Variants in DNMT3B observed in about 807,000 individuals in gnomAD.
DNMT3B encodes DNA methyltransferase 3 beta.
In DNMT3B, 37 loss-of-function variants were observed where a neutral mutation model predicts 120.2. That is an observed-to-expected ratio of 0.31 (90% confidence interval 0.24 to 0.40). DNMT3B has a LOEUF of 0.40. DNMT3B is among the 10% of genes least tolerant of loss of function. The pLI, the probability that DNMT3B is intolerant of heterozygous loss-of-function variation, is 1.00. For synonymous variants in DNMT3B, 412 were observed against 442.8 expected, an observed-to-expected ratio of 0.93 and a Z score of 0.87; for missense variants, 878 against 1,137.3, an observed-to-expected ratio of 0.77 and a Z score of 3.28.
At chr20:32,773,934 GTT>G (rs1161730284) in intron 1 of DNMT3B, among the ~76,000 whole-genome samples, 9 of 69,130 alleles carry the variant, frequency 1.3e-4, no homozygotes, top group African/African-American at 2.7e-4. Context: ...CCCGGCAGTG[GTT>G]TTTTTTTTTT....
Position 32,806,385 on chromosome 20 carries a change from A to T in DNMT3B, c.2420+58A>T, listed in dbSNP as rs1316487279. 5.3e-6 allele frequency: 8 copies of T among 1,517,010 alleles called. No homozygotes were observed. The African/African-American group carries it at 1.1e-4, about 21-fold the overall frequency. The allele number at this position is 1,517,010 out of a possible 1,614,324, so 94.0% of individuals were successfully genotyped here. On this transcript the variant is annotated intron_variant, in intron 22 of 22. Transcript: ENST00000328111. Reference sequence around the variant, plus strand: ...TGTAGATCAAAACACAAATGGGCAGACATGGGCAGGTGCTTACCTTCATTC... The same window carrying T: ...TGTAGATCAAAACACAAATGGGCAGTCATGGGCAGGTGCTTACCTTCATTC...
intron 1 of DNMT3B, 40 bp from the exon 2 acceptor site, chr20:32,780,278 T>C (rs1047298429): frequency 2.5e-6 from 4 of 1,613,582 alleles, no homozygotes; most frequent in Non-Finnish European, 3.4e-6. Flanking sequence ...CTCATGTCCC[T>C]GCTTCCCTTT....
At chr20:32,779,911 C>T in intron 1 of DNMT3B, 1 of 644,796 alleles carries the variant, frequency 1.6e-6, no homozygotes, top group Non-Finnish European at 2.7e-6. Flanking sequence ...TTCCTGAGCC[C>T]CTGCAGAGGC....
intron 6 of DNMT3B, among the ~76,000 whole-genome samples, chr20:32,788,046 T>C (rs1979538310): frequency 1.3e-5 from 2 of 152,174 alleles, no homozygotes; most frequent in South Asian, 2.1e-4. Flanking sequence ...TTTATACTTC[T>C]TTTATGGTGG....
chr20:32,805,497 ACTC>A, intron 21 of DNMT3B, 90 bp downstream of exon 21: 1 of 1,489,220 alleles, frequency 6.7e-7, no homozygotes, highest in Non-Finnish European at 9.3e-7. Flanking sequence ...ATTGGTTCCT[ACTC>A]CTCCCCCCAC....
intron 14 of DNMT3B, among the ~76,000 whole-genome samples, chr20:32,797,551 T>A (rs145259792): frequency 8.5e-5 from 13 of 152,274 alleles, no homozygotes; most frequent in African/African-American, 3.1e-4. Context: ...GGGTGTACAG[T>A]GACATGATCA....
At chr20:32,801,519 A>G in intron 19 of DNMT3B, 93 bp downstream of exon 19, 2 of 1,547,368 alleles carry the variant, frequency 1.3e-6, no homozygotes, top group Non-Finnish European at 1.8e-6. Context: ...CAACATTGGG[A>G]ATGACTTTCC....
At chr20:32,784,947 A>C in intron 4 of DNMT3B, 88 bp downstream of exon 4, 2 of 1,279,890 alleles carry the variant, frequency 1.6e-6, no homozygotes, top group East Asian at 2.4e-5. Flanking sequence ...ATAGCTCCTT[A>C]GGGGAGCTTT....
intron 1 of DNMT3B, among the ~76,000 whole-genome samples, chr20:32,770,797 A>T (rs944035153): frequency 6.6e-6 from 1 of 151,456 alleles, no homozygotes; most frequent in Non-Finnish European, 1.5e-5. Context: ...TTTTTAGTGG[A>T]AACGGGGTTT....
intron 14 of DNMT3B, among the ~76,000 whole-genome samples, chr20:32,798,053 T>C (rs1370679801): frequency 1.3e-5 from 2 of 151,780 alleles, no homozygotes; most frequent in East Asian, 2.0e-4. Flanking sequence ...GCCATTCTCC[T>C]ACCTCAGCCT....
At chr20:32,802,766 G>A (rs553044650) in intron 20 of DNMT3B, among the ~76,000 whole-genome samples, 8 of 152,316 alleles carry the variant, frequency 5.3e-5, no homozygotes, top group Non-Finnish European at 7.3e-5. Flanking sequence ...TTGGGAGGCC[G>A]AGGCTGGAGG....
intron 2 of DNMT3B, among the ~76,000 whole-genome samples, chr20:32,780,920 G>T (rs375354476): frequency 6.6e-6 from 1 of 152,208 alleles, no homozygotes; most frequent in Non-Finnish European, 1.5e-5. Flanking sequence ...TGTCCTCTCA[G>T]CTGTGCCATC....
intron 1 of DNMT3B, 156 bp from the exon 2 acceptor site, chr20:32,780,162 G>C (rs573451454): frequency 1.5e-5 from 25 of 1,613,508 alleles, no homozygotes; most frequent in Non-Finnish European, 1.8e-5. Flanking sequence ...GGGAGGCTAT[G>C]GGGGGCAGCC....
In DNMT3B at chr20:32,805,351, T is replaced by C; in HGVS notation, c.2245T>C (p.Ser749Pro). ...LPGMNRPVIA[S>P]KNDKLELQDC... ...GGCTGTTCCCAGGCCCGTGATAGCA[T>C]CAAAGAATGATAAACTCGAGCTGCA... Residue 749 changes from serine to proline, a missense_variant, in exon 21 of 23, where the codon TCA (serine) becomes CCA (proline). By Grantham distance (74) the Ser-to-Pro change is moderately conservative. Around this residue, in one of 4 missense-constraint regions of DNMT3B, gnomAD observed 334 missense variants for 518.8 expected, o/e 0.64. Coordinates refer to ENST00000328111, the MANE Select transcript of DNMT3B (RefSeq NM_006892.4). 1 of 1,614,106 alleles carries C rather than the reference T, an allele frequency of 6.2e-7. No individual in the cohort carries two copies. Among genetic ancestry groups the C allele is most frequent in the Non-Finnish European group, 8.5e-7 (1 of 1,180,010 alleles).
intron 3 of DNMT3B, among the ~76,000 whole-genome samples, chr20:32,783,774 GGA>G (rs1978908818): frequency 6.6e-6 from 1 of 152,076 alleles, no homozygotes; most frequent in Non-Finnish European, 1.5e-5. Flanking sequence ...CGCCCAGGCT[GGA>G]GTGCAATGGC....
intron 1 of DNMT3B, among the ~76,000 whole-genome samples, chr20:32,767,634 A>G (rs533368121): frequency 1.3e-5 from 2 of 152,040 alleles, no homozygotes; most frequent in African/African-American, 2.4e-5. Flanking sequence ...TTAAAGTCTC[A>G]CTATGTTGCC....
intron 1 of DNMT3B, among the ~76,000 whole-genome samples, chr20:32,777,733 G>A (rs891603455): frequency 3.3e-5 from 5 of 152,164 alleles, no homozygotes; most frequent in South Asian, 4.1e-4. Context: ...AACCGACACC[G>A]CAGCAGCTTT....
intron 1 of DNMT3B, among the ~76,000 whole-genome samples, chr20:32,766,864 C>T (rs1987398791): frequency 6.6e-6 from 1 of 151,416 alleles, no homozygotes; most frequent in African/African-American, 2.4e-5. Context: ...AGACATGAGC[C>T]AACACACCCA....
At chr20:32,807,713 A>G (rs190676493) in intron 22 of DNMT3B, 49 bp from the exon 23 acceptor site, 3 of 1,611,990 alleles carry the variant, frequency 1.9e-6, no homozygotes, top group East Asian at 4.5e-5. Context: ...GGCTGTCAAC[A>G]TCCTGGAGGC....
Sources: allele counts gnomAD v4.1 joint callset (sites outside exome capture counted in the v4.1 genomes callset), GRCh38; gene constraint gnomAD v4.1.1; regional missense constraint gnomAD v4.1.1; transcripts MANE v1.5; gene names NCBI Gene and HGNC (gene_info 2026-07-23, HGNC 2026-07-21).